The following CNOT4 variants were observed in gnomAD, a reference collection of about 807,000 sequenced individuals.
CNOT4 encodes CCR4-NOT transcription complex subunit 4.
CNOT4 carries 8 observed loss-of-function variants against 73.8 expected under a neutral mutation model. The ratio of observed to expected loss-of-function variants is 0.11; its 90% confidence interval spans 0.06 to 0.20. The LOEUF is 0.20. Among genes scored for constraint, CNOT4 ranks in the 10% least tolerant of loss-of-function variants. The pLI, the probability that CNOT4 is intolerant of heterozygous loss-of-function variation, is 1.00. For missense variants in CNOT4, 564 were observed against 883.4 expected, an observed-to-expected ratio of 0.64 and a Z score of 4.58; for synonymous variants, 293 against 321.1, an observed-to-expected ratio of 0.91 and a Z score of 0.94.
At chr7:135,445,712 A>T (rs1377072450) in intron 1 of CNOT4, among the ~76,000 whole-genome samples, 5 of 152,154 alleles carry the variant, frequency 3.3e-5, no homozygotes, top group Admixed American at 2.6e-4. Context: ...TATGAAAATA[A>T]TTTTTTTAAA....
At chr7:135,417,013 A>G (rs1485658724) in intron 3 of CNOT4, among the ~76,000 whole-genome samples, 1 of 152,218 alleles carries the variant, frequency 6.6e-6, no homozygotes, top group Non-Finnish European at 1.5e-5. Flanking sequence ...AATTTTACTA[A>G]GAGTTATCTG....
At chr7:135,504,446 C>T (rs1804203260) in intron 1 of CNOT4, among the ~76,000 whole-genome samples, 1 of 143,284 alleles carries the variant, frequency 7.0e-6, no homozygotes, top group Non-Finnish European at 1.5e-5. Context: ...CAGGCACGTG[C>T]CACCACATCC....
chr7:135,405,179 C>T (rs186089740), intron 7 of CNOT4, among the ~76,000 whole-genome samples: 410 of 152,124 alleles, frequency 2.7e-3, no homozygotes, highest in Admixed American at 4.8e-3. Context: ...AGTTTTTTTA[C>T]CCGTAGTAAG....
At position 135,362,834 on chromosome 7, in the gene CNOT4, G is replaced by T; in HGVS notation, c.*51C>A. The T allele has an allele frequency of 6.6e-7, 1 of 1,517,500 alleles. No individual in the cohort carries two copies. Among genetic ancestry groups the T allele is most frequent in the Non-Finnish European group, 9.2e-7 (1 of 1,092,006 alleles). 94.0% of individuals were successfully genotyped at this position (1,517,500 alleles called of 1,614,324 possible). On this transcript the variant is annotated 3_prime_UTR_variant, in exon 12 of 12. Transcript: ENST00000541284. ...GCTGTGGGTGGTGGGCTGAGAGGGA[G>T]AAAACAGAGTGGGACAAATCCTGCA...
At chr7:135,474,688 T>C (rs1801883639) in intron 1 of CNOT4, among the ~76,000 whole-genome samples, 1 of 152,210 alleles carries the variant, frequency 6.6e-6, no homozygotes, top group Admixed American at 6.5e-5. Flanking sequence ...TGACTTCTTG[T>C]TCCTATTAAA....
intron 8 of CNOT4, among the ~76,000 whole-genome samples, chr7:135,397,067 G>A (rs377439152): frequency 2.1e-4 from 32 of 152,048 alleles, no homozygotes; most frequent in African/African-American, 7.2e-4. Flanking sequence ...GTCTGTGACC[G>A]CAAAAACATT....
At chr7:135,396,755 C>T (rs1796718449) in intron 8 of CNOT4, among the ~76,000 whole-genome samples, 1 of 151,996 alleles carries the variant, frequency 6.6e-6, no homozygotes, top group African/African-American at 2.4e-5. Context: ...TTTATATGAA[C>T]AAAGTATCTT....
At chr7:135,375,107 G>GA in intron 10 of CNOT4, among the ~76,000 whole-genome samples, 1 of 152,116 alleles carries the variant, frequency 6.6e-6, no homozygotes, top group Non-Finnish European at 1.5e-5. Flanking sequence ...AAACATAAGG[G>GA]AAAATACAAA....
At chr7:135,395,932 A>G (rs762265604) in intron 8 of CNOT4, 49 bp from the exon 9 acceptor site, 49 of 1,329,420 alleles carry the variant, frequency 3.7e-5, no homozygotes, top group Non-Finnish European at 5.0e-5. Context: ...ATACATTTTA[A>G]TAAGCCACAA....
At chr7:135,453,719 G>T (rs937196890) in intron 1 of CNOT4, among the ~76,000 whole-genome samples, 8 of 144,258 alleles carry the variant, frequency 5.5e-5, no homozygotes, top group African/African-American at 2.0e-4. Flanking sequence ...GTATTTTCCT[G>T]GAATTGTTTT....
At chr7:135,461,555 G>C (rs2696883) in intron 1 of CNOT4, among the ~76,000 whole-genome samples, 1,936 of 152,176 alleles carry the variant, frequency 0.013, 38 homozygotes, top group African/African-American at 0.045. Context: ...GCAGAGGCCG[G>C]GCGCAGTGGC....
At chr7:135,419,112 G>A (rs1030173625) in intron 3 of CNOT4, among the ~76,000 whole-genome samples, 4 of 151,980 alleles carry the variant, frequency 2.6e-5, no homozygotes, top group African/African-American at 7.3e-5. Flanking sequence ...TACCTCTATC[G>A]TTGGCTCTAA....
At chr7:135,424,080 CACACACACACAT>C (rs1563041630) in intron 2 of CNOT4, among the ~76,000 whole-genome samples, 4 of 108,330 alleles carry the variant, frequency 3.7e-5, no homozygotes, top group South Asian at 5.5e-4. Context: ...CACACACACA[CACACACACACAT>C]TTTTTATTAA....
intron 1 of CNOT4, among the ~76,000 whole-genome samples, chr7:135,508,166 A>T (rs1014523558): frequency 2.6e-5 from 4 of 152,232 alleles, no homozygotes; most frequent in Admixed American, 2.0e-4. Context: ...TATCTTAAGA[A>T]TACAATGTCA....
chr7:135,468,110 G>T (rs968634771), intron 1 of CNOT4, among the ~76,000 whole-genome samples: 4 of 152,034 alleles, frequency 2.6e-5, no homozygotes, highest in Admixed American at 6.5e-5. Context: ...CAGCTACTTG[G>T]GGGGCTGAGG....
chr7:135,396,002 G>A (rs1445022947), intron 8 of CNOT4, 119 bp from the exon 9 acceptor site: 1 of 611,564 alleles, frequency 1.6e-6, no homozygotes, highest in Non-Finnish European at 2.8e-6. Flanking sequence ...ACTTGAAGAT[G>A]TTTTAATGAA....
chr7:135,366,845 C>T (rs1014882196), intron 10 of CNOT4, among the ~76,000 whole-genome samples: 6 of 152,156 alleles, frequency 3.9e-5, no homozygotes, highest in African/African-American at 1.2e-4. Context: ...CAGCTTAATC[C>T]TAATCCCATC....
At chr7:135,473,982 GTTT>G (rs546554271) in intron 1 of CNOT4, among the ~76,000 whole-genome samples, 1 of 140,336 alleles carries the variant, frequency 7.1e-6, no homozygotes. Flanking sequence ...TCTTTTTGTG[GTTT>G]TTTTTTTTTT....
intron 1 of CNOT4, among the ~76,000 whole-genome samples, chr7:135,448,308 G>C (rs1443746993): frequency 6.6e-6 from 1 of 152,080 alleles, no homozygotes; most frequent in Non-Finnish European, 1.5e-5. Flanking sequence ...ACTTTGGGAG[G>C]CCGAGATGAG....
Sources: allele counts gnomAD v4.1 joint callset (sites outside exome capture counted in the v4.1 genomes callset), GRCh38; gene constraint gnomAD v4.1.1; transcripts MANE v1.5; gene names NCBI Gene and HGNC (gene_info 2026-07-23, HGNC 2026-07-21).